The following ANK1 variants were observed in gnomAD, a reference collection of about 807,000 sequenced individuals.
ANK1 encodes the protein ankyrin 1.
ANK1 carries 51 observed loss-of-function variants against 210.4 expected under a neutral mutation model. That is an observed-to-expected ratio of 0.24 (90% confidence interval 0.19 to 0.31). ANK1 has a LOEUF of 0.31. Ranked by LOEUF, ANK1 falls within the 10% of genes least tolerant of loss-of-function variation. The pLI is 1.00. For missense variants in ANK1, 2,051 were observed against 2,504.4 expected (o/e 0.82, Z 3.86); for synonymous variants, 967 against 1,025.9 (o/e 0.94, Z 1.10).
chr8:41,704,698 G>A lies in ANK1; in HGVS notation c.2098-226C>T, dbSNP rs760153704. ...GCAACTGGAAAATGGACACTGAACC[G>A]CGAGAAGAGGGCTATGCTGGGGTCG... On this transcript the variant is annotated intron_variant, in intron 18 of 42. Transcript: ENST00000289734. The surrounding 1 kb of genome is among the most constrained non-coding windows in gnomAD (Gnocchi z 4.1). Among the ~76,000 whole-genome samples the A allele has an allele frequency of 3.9e-5, 6 of 152,164 alleles. No individual in the cohort carries two copies. The highest frequency in any genetic ancestry group is 7.3e-5 in the Non-Finnish European group (5 of 68,036).
At chr8:41,679,983 C>T (rs1383965289) in intron 37 of ANK1, among the ~76,000 whole-genome samples, 4 of 152,132 alleles carry the variant, frequency 2.6e-5, no homozygotes, top group Non-Finnish European at 5.9e-5. Context: ...ACTGTTGTCT[C>T]ATATAGTGTG....
At position 41,661,505 on chromosome 8, in the gene ANK1, C is replaced by G. The variant is rs1252256384; in HGVS notation, c.5604G>C (p.Gln1868His). Reference sequence around the variant, plus strand: ...TTTTCAGGCTGGCCCGCTTCACTATCTGCGCCCCCTTCCTGCCCTCTATCA... The same window carrying G: ...TTTTCAGGCTGGCCCGCTTCACTATGTGCGCCCCCTTCCTGCCCTCTATCA... ...PDLIEGRKGA[Q>H]IVKRASLKRG... The change falls in exon 42 of 43, where the codon CAG (glutamine) becomes CAC (histidine). Residue 1868 changes from glutamine to histidine, a missense_variant. Coordinates refer to ENST00000289734, the MANE Select transcript of ANK1 (RefSeq NM_000037.4). The G allele has an allele frequency of 6.2e-7, 1 of 1,614,120 alleles. No homozygotes were observed. Among genetic ancestry groups the G allele is most frequent in the East Asian group, 2.2e-5 (1 of 44,882 alleles).
At chr8:41,687,564 C>G (rs1818039210) in intron 35 of ANK1, among the ~76,000 whole-genome samples, 2 of 152,248 alleles carry the variant, frequency 1.3e-5, no homozygotes, top group Admixed American at 1.3e-4. Flanking sequence ...AGCCCGAGCC[C>G]TGAACTCCTC....
intron 1 of ANK1, among the ~76,000 whole-genome samples, chr8:41,893,416 T>C (rs554337572): frequency 5.8e-4 from 89 of 152,150 alleles, no homozygotes; most frequent in Non-Finnish European, 1.0e-3. Context: ...CTCCAGAGTG[T>C]AGCTCAGTTC....
intron 1 of ANK1, among the ~76,000 whole-genome samples, chr8:41,806,660 G>T (rs1851012123): frequency 6.6e-6 from 1 of 152,190 alleles, no homozygotes; most frequent in Non-Finnish European, 1.5e-5. Flanking sequence ...AACCATGATG[G>T]TTTGAGCCTG....
At position 41,696,490 on chromosome 8, in the gene ANK1, C is replaced by T. The variant is rs759750320; in HGVS notation, c.2833G>A (p.Ala945Thr). 6 of 1,613,496 alleles carry T rather than the reference C, an allele frequency of 3.7e-6. No individual in the cohort carries two copies. The highest frequency in any genetic ancestry group is 4.2e-6 in the Non-Finnish European group (5 of 1,179,996). Residue 945 changes from alanine (A) to threonine (T), a missense_variant, in exon 26 of 43, where the codon GCG (alanine) becomes ACG (threonine). Ala to Thr is a moderately conservative substitution (Grantham distance 58). This residue lies in a region of ANK1 where 1,413 missense variants were observed against 1,707.4 expected (regional missense o/e 0.83). Coordinates refer to ENST00000289734, the MANE Select transcript of ANK1 (RefSeq NM_000037.4). Reference sequence around the variant, plus strand: ...AGGCGGCAGGTGATGCGGGTGGGCGCTGCGCACGTCCGTGGCGGGATCACC... The same window carrying T: ...AGGCGGCAGGTGATGCGGGTGGGCGTTGCGCACGTCCGTGGCGGGATCACC... ...RVVIPPRTCA[A>T]PTRITCRLVK...
At position 41,719,759 on chromosome 8, in the gene ANK1, C is replaced by A. The variant is rs1275719069; in HGVS notation, c.1009G>T (p.Asp337Tyr). The A allele has an allele frequency of 6.2e-7, 1 of 1,614,080 alleles. No homozygotes were observed. The highest frequency in any genetic ancestry group is 1.3e-5 in the African/African-American group (1 of 74,924). Residue 337 changes from aspartate (D) to tyrosine (Y), a missense_variant, in exon 10 of 43, where the codon GAC (aspartate) becomes TAC (tyrosine). Asp to Tyr is a radical substitution (Grantham distance 160). Around this residue, in one of 6 missense-constraint regions of ANK1, gnomAD observed 1,413 missense variants for 1,707.4 expected, o/e 0.83. Transcript: ENST00000289734. ...YDAEIDDITL[D>Y]HLTPLHVAAH... is the part of the protein sequence containing the mutation. ...GCCACGTGGAGTGGGGTCAGGTGGT[C>A]CAGGGTGATGTCGTCTATCTCTGCG...
At chr8:41,715,621 C>T in intron 14 of ANK1, 31 bp downstream of exon 14, 2 of 1,611,350 alleles carry the variant, frequency 1.2e-6, no homozygotes, top group South Asian at 1.1e-5. Flanking sequence ...GAGCCTGTTG[C>T]TTCCTTAGAC....
At chr8:41,714,411 G>T (rs987965190) in intron 15 of ANK1, among the ~76,000 whole-genome samples, 157 bp from the exon 16 acceptor site, 1 of 152,270 alleles carries the variant, frequency 6.6e-6, no homozygotes, top group South Asian at 2.1e-4. Flanking sequence ...GAATGTCATC[G>T]GCAGGACCCA....
At chr8:41,834,243 T>C (rs1807201246) in intron 1 of ANK1, among the ~76,000 whole-genome samples, 1 of 152,186 alleles carries the variant, frequency 6.6e-6, no homozygotes, top group Non-Finnish European at 1.5e-5. Flanking sequence ...ACATAGGCCA[T>C]GGCCACGGGG....
intron 1 of ANK1, among the ~76,000 whole-genome samples, chr8:41,785,613 C>A (rs1051092716): frequency 1.1e-4 from 16 of 152,190 alleles, no homozygotes; most frequent in African/African-American, 3.9e-4. Flanking sequence ...TGGGGTCCGA[C>A]CTTCCCCTCT....
intron 22 of ANK1, chr8:41,700,290 G>T (rs1563479999): frequency 1.1e-6 from 1 of 925,574 alleles, no homozygotes. Context: ...GAATTCCCTG[G>T]TTTAGCTGAG....
intron 1 of ANK1, among the ~76,000 whole-genome samples, chr8:41,887,832 G>A (rs1818723264): frequency 6.6e-6 from 1 of 152,220 alleles, no homozygotes; most frequent in Non-Finnish European, 1.5e-5. Context: ...TTTTAAGCAT[G>A]TTTTTGGTGA....
Position 41,719,758 on chromosome 8 carries a change from T to A in ANK1, c.1010A>T (p.Asp337Val). 1 of 1,614,094 alleles carries A rather than the reference T, an allele frequency of 6.2e-7. No individual in the cohort carries two copies. The highest frequency in any genetic ancestry group is 8.5e-7 in the Non-Finnish European group (1 of 1,180,004). The change falls in exon 10 of 43, where the codon GAC becomes GTC. Residue 337 changes from aspartate (D) to valine (V), a missense_variant. By Grantham distance (152) the Asp-to-Val change is radical. This residue lies in a region of ANK1 where 1,413 missense variants were observed against 1,707.4 expected (regional missense o/e 0.83). Transcript: ENST00000289734. ...AGCCACGTGGAGTGGGGTCAGGTGG[T>A]CCAGGGTGATGTCGTCTATCTCTGC... ...YDAEIDDITL[D>V]HLTPLHVAAH...
intron 1 of ANK1, among the ~76,000 whole-genome samples, chr8:41,794,651 C>A (rs1848398583): frequency 6.6e-6 from 1 of 152,208 alleles, no homozygotes; most frequent in Admixed American, 6.5e-5. Flanking sequence ...GGTGCCCCAA[C>A]AGGACCTAAT....
At chr8:41,733,229 GC>G (rs1563605022) in intron 3 of ANK1, among the ~76,000 whole-genome samples, 2 of 152,148 alleles carry the variant, frequency 1.3e-5, no homozygotes, top group African/African-American at 2.4e-5. Flanking sequence ...GCCTGGCGTC[GC>G]CCCATGCCAA....
Position 41,699,486 on chromosome 8 carries a change from C to T in ANK1, c.2524G>A (p.Glu842Lys). ...RDSRDVDEEKELLDFVPKLDQ... is the reference protein window; with the variant it reads ...RDSRDVDEEKKLLDFVPKLDQ... ...AGCTTCGGCACAAAATCCAGCAGCT[C>T]CTTCTCTTCATCAACATCCCTGGAA... is the stretch of plus-strand genomic sequence containing the variant. The change falls in exon 23 of 43, where the codon GAG becomes AAG. Residue 842 changes from glutamate (E) to lysine (K), a missense_variant. Glu to Lys is a moderately conservative substitution (Grantham distance 56). Transcript: ENST00000289734. The T allele has an allele frequency of 6.2e-7, 1 of 1,614,186 alleles. No individual in the cohort carries two copies. Among genetic ancestry groups the T allele is most frequent in the Non-Finnish European group, 8.5e-7 (1 of 1,180,044 alleles).
chr8:41,681,741 A>AC (rs200136618), intron 37 of ANK1, among the ~76,000 whole-genome samples: 3 of 70,018 alleles, frequency 4.3e-5, no homozygotes, highest in African/African-American at 5.4e-5. Flanking sequence ...GTGCCCCCCC[A>AC]CCCCCCTTAG....
chr8:41,772,790 A>G (rs1436005404), intron 1 of ANK1, among the ~76,000 whole-genome samples: 2 of 151,912 alleles, frequency 1.3e-5, no homozygotes, highest in African/African-American at 2.4e-5. Context: ...CCCTCCTTCC[A>G]TCTGTTCCAT....
Sources: allele counts gnomAD v4.1 joint callset (sites outside exome capture counted in the v4.1 genomes callset), GRCh38; gene constraint gnomAD v4.1.1; regional missense constraint gnomAD v4.1.1; non-coding constraint Gnocchi (gnomAD v3.1); transcripts MANE v1.5; gene names NCBI Gene and HGNC (gene_info 2026-07-23, HGNC 2026-07-21).